MECOM: variants seen among roughly 807,000 people sequenced by gnomAD.
MECOM encodes the protein histone-lysine N-methyltransferase MECOM.
Under a neutral mutation model 116.3 loss-of-function variants are expected in MECOM, and 13 were observed. The ratio of observed to expected loss-of-function variants is 0.11; its 90% CI spans 0.07 to 0.18. MECOM has a LOEUF of 0.18. Ranked by LOEUF, MECOM falls within the 10% of genes least tolerant of loss-of-function variation. MECOM has a pLI of 1.00. For missense variants in MECOM, 1,299 were observed against 1,509.0 expected (o/e 0.86, Z 2.31); for synonymous variants, 528 against 535.2 (o/e 0.99, Z 0.19).
chr3:169,466,621 T>A (rs1346466221), intron 1 of MECOM, among the ~76,000 whole-genome samples: 1 of 152,156 alleles, frequency 6.6e-6, no homozygotes, highest in Non-Finnish European at 1.5e-5. Flanking sequence ...TCCACTCTTT[T>A]TTTTCCTCTT....
intron 1 of MECOM, among the ~76,000 whole-genome samples, chr3:169,418,073 A>G (rs1739010424): frequency 6.6e-6 from 1 of 151,252 alleles, no homozygotes; most frequent in South Asian, 2.1e-4. Flanking sequence ...TAACCTGCAC[A>G]TTGTGCACAT....
At chr3:169,472,580 G>GAGGAAAGGAAAGGAAAGGAA (rs779270656) in intron 1 of MECOM, among the ~76,000 whole-genome samples, 2 of 59,092 alleles carry the variant, frequency 3.4e-5, no homozygotes, top group African/African-American at 1.8e-4. Context: ...GAGGAGAGGA[G>GAGGAAAGGAAAGGAAAGGAA]AGGAAAGGAA....
intron 1 of MECOM, among the ~76,000 whole-genome samples, chr3:169,597,365 CA>C (rs1296130962): frequency 6.6e-6 from 1 of 152,148 alleles, no homozygotes; most frequent in East Asian, 1.9e-4. Context: ...TATTGTCAGA[CA>C]AAAGAGTCTT....
intron 1 of MECOM, among the ~76,000 whole-genome samples, chr3:169,482,229 T>C (rs1357589726): frequency 6.6e-6 from 1 of 152,008 alleles, no homozygotes; most frequent in Non-Finnish European, 1.5e-5. Flanking sequence ...AAAGTTCTCA[T>C]GATGAAACTA....
At position 169,485,939 on chromosome 3, in the gene MECOM, A is replaced by ATATACTATATATG. The variant is rs1578236586; in HGVS notation, c.38-104416_38-104415insCATATATAGTATA. 1.0e-4 allele frequency among the ~76,000 whole-genome samples: 7 copies of ATATACTATATATG among 68,308 alleles called. 1 individual carries two copies. The highest frequency in any genetic ancestry group is 9.9e-4 in the South Asian group (2 of 2,022). 44.8% of individuals were successfully genotyped at this position (68,308 alleles called of 152,430 possible). A position where few individuals can be genotyped will look rare whatever the true frequency, so the allele number is the denominator to read the frequency against. On this transcript the variant is annotated intron_variant, in intron 1 of 16. Coordinates refer to ENST00000651503, the MANE Select transcript of MECOM (RefSeq NM_004991.4). ...TGTATATATAGTATATATAGTATAT[A>ATATACTATATATG]TGTATGTATATATGTACATATATAC...
chr3:169,561,167 G>T (rs904367610), intron 1 of MECOM, among the ~76,000 whole-genome samples: 1 of 151,622 alleles, frequency 6.6e-6, no homozygotes, highest in Non-Finnish European at 1.5e-5. Context: ...TATAATTTTC[G>T]ATGTAAGGGT....
intron 1 of MECOM, among the ~76,000 whole-genome samples, chr3:169,453,004 T>C (rs753207441): frequency 8.5e-5 from 13 of 152,164 alleles, no homozygotes; most frequent in Non-Finnish European, 1.8e-4. Flanking sequence ...TGCAAACAAA[T>C]ATATTTCACC....
intron 3 of MECOM, among the ~76,000 whole-genome samples, chr3:169,132,595 A>C (rs1735101053): frequency 6.6e-6 from 1 of 152,118 alleles, no homozygotes; most frequent in Non-Finnish European, 1.5e-5. Context: ...GAGACCAATT[A>C]TATTATACCA....
chr3:169,531,673 CAGG>C (rs1463313984), intron 1 of MECOM, among the ~76,000 whole-genome samples: 2 of 152,164 alleles, frequency 1.3e-5, no homozygotes, highest in Non-Finnish European at 2.9e-5. Context: ...TGACCTTCAG[CAGG>C]AGAGTTAATG....
intron 2 of MECOM, among the ~76,000 whole-genome samples, chr3:169,192,187 G>C (rs2149427264): frequency 6.6e-6 from 1 of 151,972 alleles, no homozygotes; most frequent in South Asian, 2.1e-4. Context: ...TCTAACTTTT[G>C]TTTATTTGCT....
At chr3:169,199,541 A>T (rs1432822711) in intron 2 of MECOM, among the ~76,000 whole-genome samples, 7 of 152,030 alleles carry the variant, frequency 4.6e-5, no homozygotes, top group Non-Finnish European at 1.0e-4. Flanking sequence ...AGCCTCTTGA[A>T]GTGCTGGGAT....
chr3:169,258,608 TGTTA>T (rs1329202034), intron 2 of MECOM, among the ~76,000 whole-genome samples: 2 of 152,212 alleles, frequency 1.3e-5, no homozygotes, highest in Non-Finnish European at 2.9e-5. Context: ...GTGTCATTGT[TGTTA>T]GTTAGCAGCT....
intron 1 of MECOM, among the ~76,000 whole-genome samples, chr3:169,574,613 A>C (rs2109474659): frequency 6.6e-6 from 1 of 152,318 alleles, no homozygotes; most frequent in South Asian, 2.1e-4. Flanking sequence ...AGCAAAACCG[A>C]CTTTCTTCAC....
chr3:169,182,684 C>A (rs533033481), intron 2 of MECOM, among the ~76,000 whole-genome samples: 21 of 152,216 alleles, frequency 1.4e-4, no homozygotes, highest in Admixed American at 1.3e-3. Flanking sequence ...AAACAAGGCC[C>A]AGTTGGCTAT....
intron 2 of MECOM, among the ~76,000 whole-genome samples, chr3:169,220,133 T>C (rs1751945622): frequency 6.6e-6 from 1 of 151,536 alleles, no homozygotes; most frequent in South Asian, 2.1e-4. Flanking sequence ...TCAAGATGAG[T>C]CTGGGTAATA....
intron 1 of MECOM, among the ~76,000 whole-genome samples, chr3:169,521,791 T>C (rs541963877): frequency 1.2e-4 from 19 of 152,342 alleles, no homozygotes; most frequent in Admixed American, 8.5e-4. Flanking sequence ...CGGCTATTCA[T>C]ATCCGTGGGT....
chr3:169,322,175 G>A (rs534908830), intron 2 of MECOM, among the ~76,000 whole-genome samples: 16 of 152,208 alleles, frequency 1.1e-4, no homozygotes, highest in Admixed American at 8.5e-4. Context: ...ACTGAATCTC[G>A]TGTGTGTTTC....
chr3:169,485,156 G>T (rs565231834), intron 1 of MECOM, among the ~76,000 whole-genome samples: 7 of 152,120 alleles, frequency 4.6e-5, no homozygotes, highest in African/African-American at 9.6e-5. Flanking sequence ...CACCACGTCT[G>T]GCTAAGTTTT....
intron 2 of MECOM, among the ~76,000 whole-genome samples, chr3:169,150,608 C>T (rs1191156059): frequency 3.3e-5 from 5 of 152,002 alleles, no homozygotes; most frequent in Non-Finnish European, 7.4e-5. Flanking sequence ...AGTAGGAGAA[C>T]AAACTAAAAC....
Sources: gnomAD v4.1 joint callset for allele counts (sites outside exome capture counted in the v4.1 genomes callset) on GRCh38, gnomAD v4.1.1 for gene constraint, MANE v1.5 for transcripts, NCBI Gene and HGNC (gene_info 2026-07-23, HGNC 2026-07-21) for gene names.